The following PLPPR5 variants were observed in gnomAD, a reference collection of about 807,000 sequenced individuals.
The protein encoded by PLPPR5 is phospholipid phosphatase related 5, also known as phospholipid phosphatase-related protein type 5.
Under a neutral mutation model 33.9 loss-of-function variants are expected in PLPPR5, and 16 were observed. The observed-to-expected ratio is 0.47, with a 90% CI of 0.32 to 0.72. The LOEUF (loss-of-function observed/expected upper bound fraction) is 0.72, where lower values mean the gene tolerates loss of function less well. Ranked by LOEUF, PLPPR5 falls within the 30% of genes least tolerant of loss-of-function variation. PLPPR5 has a pLI of 0.03. For synonymous variants in PLPPR5, 163 were observed against 150.3 expected (o/e 1.08, Z -0.62); for missense variants, 301 against 406.7 (o/e 0.74, Z 2.23).
intron 3 of PLPPR5, among the ~76,000 whole-genome samples, chr1:98,939,125 TAAAATTAA>T (rs906010745): frequency 6.6e-6 from 1 of 151,756 alleles, no homozygotes; most frequent in African/African-American, 2.4e-5. Context: ...GAAATTAAAA[TAAAATTAA>T]AAAATTAAAT....
In PLPPR5 at chr1:98,891,296, T is replaced by A. The variant is rs1026533891; in HGVS notation, c.*1776A>T. 1.3e-5 allele frequency: 2 copies of A among 152,058 alleles called. No individual in the cohort carries two copies. The highest frequency in any genetic ancestry group is 1.9e-4 in the East Asian group (1 of 5,190). 9.4% of individuals were successfully genotyped at this position (152,058 alleles called of 1,614,324 possible). A position where few individuals can be genotyped will look rare whatever the true frequency, so the allele number is the denominator to read the frequency against. On this transcript the variant is annotated 3_prime_UTR_variant, in exon 6 of 6. Transcript: ENST00000263177. Reference sequence around the variant, plus strand: ...ATAGAAATGGGCAAATAACATCTATTTGGGGAGTAATGGACAATCTTTGGT... The same window carrying A: ...ATAGAAATGGGCAAATAACATCTATATGGGGAGTAATGGACAATCTTTGGT...
At chr1:98,920,822 T>C (rs1649525512) in intron 4 of PLPPR5, among the ~76,000 whole-genome samples, 1 of 152,110 alleles carries the variant, frequency 6.6e-6, no homozygotes, top group Admixed American at 6.6e-5. Flanking sequence ...AAAATGGACA[T>C]AAAGTATTTT....
chr1:98,971,132 C>T (rs574580754), intron 1 of PLPPR5, among the ~76,000 whole-genome samples: 1 of 152,116 alleles, frequency 6.6e-6, no homozygotes, highest in South Asian at 2.1e-4. Flanking sequence ...CAGACTACTA[C>T]ATCTTATTTT....
At chr1:98,972,376 G>A (rs1409419207) in intron 1 of PLPPR5, among the ~76,000 whole-genome samples, 2 of 152,034 alleles carry the variant, frequency 1.3e-5, no homozygotes, top group African/African-American at 4.8e-5. Context: ...TTGCTGGCCA[G>A]CAGTTTTAGA....
intron 3 of PLPPR5, among the ~76,000 whole-genome samples, chr1:98,936,622 G>A (rs541397563): frequency 1.3e-5 from 2 of 152,364 alleles, no homozygotes; most frequent in South Asian, 4.1e-4. Context: ...CTTAGTAGGA[G>A]GACGTGTGGG....
At chr1:98,901,860 A>T (rs1265413320) in intron 5 of PLPPR5, among the ~76,000 whole-genome samples, 1 of 152,056 alleles carries the variant, frequency 6.6e-6, no homozygotes, top group African/African-American at 2.4e-5. Flanking sequence ...ATAATTGTGG[A>T]AAATTGGAAG....
intron 1 of PLPPR5, among the ~76,000 whole-genome samples, chr1:98,975,056 C>T (rs72730397): frequency 0.013 from 2,021 of 152,116 alleles, 27 homozygotes; most frequent in Non-Finnish European, 0.021. Flanking sequence ...GTCACTGCTC[C>T]CCACAAGACC....
intron 4 of PLPPR5, among the ~76,000 whole-genome samples, chr1:98,920,283 A>G (rs1374257458): frequency 6.6e-6 from 1 of 152,070 alleles, no homozygotes; most frequent in Non-Finnish European, 1.5e-5. Context: ...GCCAGTGAAG[A>G]TGTTATGGAC....
In PLPPR5 at chr1:98,973,978, G is replaced by GCC. The variant is rs1181109374; in HGVS notation, c.238-17239_238-17238dup. On this transcript the variant is annotated intron_variant, in intron 1 of 5. Coordinates refer to ENST00000263177, the MANE Select transcript of PLPPR5 (RefSeq NM_001037317.2). ...GGAGACTGGAGAGAGGAGGTAGAAAGCCCAGGAAGCGTCTGGTGTAGTAAA... is the reference window on the plus strand; with the variant it reads ...GGAGACTGGAGAGAGGAGGTAGAAAGCCCCCAGGAAGCGTCTGGTGTAGTAAA... Among the ~76,000 whole-genome samples the GCC allele has an allele frequency of 2.0e-5, 3 of 152,066 alleles. No homozygotes were observed. The South Asian group carries it at 6.2e-4, about 32-fold the overall frequency.
intron 5 of PLPPR5, among the ~76,000 whole-genome samples, chr1:98,912,906 C>T (rs1367828665): frequency 2.6e-5 from 4 of 152,072 alleles, no homozygotes; most frequent in African/African-American, 9.7e-5. Context: ...TTATTAAGTA[C>T]TTCTATCCTT....
chr1:98,992,312 A>G (rs990650464), intron 1 of PLPPR5, among the ~76,000 whole-genome samples: 6 of 152,122 alleles, frequency 3.9e-5, no homozygotes, highest in Non-Finnish European at 8.8e-5. Context: ...ACTCCTAAGA[A>G]CAGATTGTGT....
intron 5 of PLPPR5, among the ~76,000 whole-genome samples, chr1:98,906,183 GTATATA>G (rs58392273): frequency 6.1e-5 from 9 of 147,768 alleles, no homozygotes; most frequent in African/African-American, 2.0e-4. Flanking sequence ...TAGTGTGTGT[GTATATA>G]TATATATAGT....
rs866902468 is a variant in PLPPR5 at position 98,909,270 on chromosome 1, C to T, written c.933+5516G>A. Among the ~76,000 whole-genome samples the T allele has an allele frequency of 1.6e-3, 211 of 133,746 alleles. 1 individual carries two copies. The highest frequency in any genetic ancestry group is 0.011 in the Middle Eastern group (3 of 268). The allele number at this position is 133,746 out of a possible 152,430, so 87.7% of individuals were successfully genotyped here. On this transcript the variant is annotated intron_variant, in intron 5 of 5. Transcript: ENST00000263177. ...CTTCCCCTCCCTTCCCCCTCCCTCC[C>T]TTCCCCTCCCTTCCCCGCCTCCCCT...
At position 98,924,160 on chromosome 1, in the gene PLPPR5, C is replaced by A. The variant is rs546356812; in HGVS notation, c.622-2102G>T. On this transcript the variant is annotated intron_variant, in intron 3 of 5. Transcript: ENST00000263177. ...CCATTTAATGAGTGATTGCTCTTCA[C>A]GGCAATGTTCTAAGCATTTTATTAA... Among the ~76,000 whole-genome samples the A allele has an allele frequency of 3.3e-5, 5 of 152,232 alleles. No homozygotes were observed. The East Asian group carries it at 7.7e-4, about 23-fold the overall frequency.
intron 2 of PLPPR5, among the ~76,000 whole-genome samples, chr1:98,954,275 C>G (rs1458669344): frequency 6.6e-6 from 1 of 152,028 alleles, no homozygotes; most frequent in Non-Finnish European, 1.5e-5. Flanking sequence ...GATGTGGTAC[C>G]AATGAAAGGA....
At chr1:98,955,186 T>C (rs1016802474) in intron 2 of PLPPR5, among the ~76,000 whole-genome samples, 1 of 152,024 alleles carries the variant, frequency 6.6e-6, no homozygotes, top group East Asian at 1.9e-4. Context: ...GCTAGAAACA[T>C]CCAAACCATA....
chr1:98,978,029 C>T (rs953770874), intron 1 of PLPPR5, among the ~76,000 whole-genome samples: 29 of 151,986 alleles, frequency 1.9e-4, no homozygotes, highest in African/African-American at 6.7e-4. Flanking sequence ...AGATAAAAGT[C>T]GTAAAATCTT....
intron 3 of PLPPR5, among the ~76,000 whole-genome samples, chr1:98,939,247 GATT>G (rs1199254825): frequency 6.6e-5 from 10 of 151,740 alleles, no homozygotes; most frequent in East Asian, 3.9e-4. Flanking sequence ...ATAAAATAAT[GATT>G]ATTATCACAT....
At chr1:98,999,061 G>T (rs1429861473) in intron 1 of PLPPR5, among the ~76,000 whole-genome samples, 1 of 152,096 alleles carries the variant, frequency 6.6e-6, no homozygotes, top group Admixed American at 6.5e-5. Flanking sequence ...CTTAAGTTTT[G>T]CTTTTCTTCC....
Sources: gnomAD v4.1 joint callset for allele counts (sites outside exome capture counted in the v4.1 genomes callset) on GRCh38, gnomAD v4.1.1 for gene constraint, MANE v1.5 for transcripts, NCBI Gene and HGNC (gene_info 2026-07-23, HGNC 2026-07-21) for gene names.